The following LIN7A variants were observed in gnomAD, a reference collection of about 807,000 sequenced individuals.
LIN7A encodes the protein lin-7 cell polarity scaffold A, also known as protein lin-7 homolog A.
A neutral mutation model predicts 29.8 loss-of-function variants in LIN7A; 25 were observed. That is an observed-to-expected ratio of 0.84 (90% CI 0.61 to 1.17). The LOEUF is 1.17. LIN7A is among the 50% of genes most tolerant of loss of function. The probability of loss-of-function intolerance (pLI) is 0.00; values close to 1 mark genes in which losing one functional copy is unlikely to be tolerated. For missense variants in LIN7A, 239 were observed against 287.0 expected, an observed-to-expected ratio of 0.83 and a Z score of 1.21; for synonymous variants, 118 against 107.5, an observed-to-expected ratio of 1.10 and a Z score of -0.60.
intron 1 of LIN7A, among the ~76,000 whole-genome samples, chr12:80,914,168 A>G (rs1876913326): frequency 1.3e-5 from 2 of 152,198 alleles, no homozygotes; most frequent in East Asian, 1.9e-4. Context: ...CAGATCATAC[A>G]GATTACTATA....
At position 80,889,285 on chromosome 12, in the gene LIN7A, ACT is replaced by A. The variant is rs748281531; in HGVS notation, c.165_166del (p.Lys55AsnfsTer5). ...AGCTGTACAAAACTCACTCTGAAGCACTTTTTTGAGGGATTGTAGCTTGTGCA... is the reference window on the plus strand; with the variant it reads ...AGCTGTACAAAACTCACTCTGAAGCATTTTTGAGGGATTGTAGCTTGTGCA... On this transcript the variant is annotated frameshift_variant, in exon 2 of 6. Transcript: ENST00000552864. LOFTEE classifies it high-confidence loss of function. 1.2e-6 allele frequency: 2 copies of A among 1,612,482 alleles called. No individual in the cohort carries two copies. The highest frequency in any genetic ancestry group is 1.1e-5 in the South Asian group (1 of 91,018).
intron 1 of LIN7A, among the ~76,000 whole-genome samples, chr12:80,924,066 T>A (rs1877451600): frequency 6.6e-6 from 1 of 152,194 alleles, no homozygotes; most frequent in Non-Finnish European, 1.5e-5. Context: ...TCAAAATATG[T>A]TATTCTAAAT....
chr12:80,834,448 T>C (rs1343953382), intron 4 of LIN7A, among the ~76,000 whole-genome samples: 3 of 152,180 alleles, frequency 2.0e-5, no homozygotes, highest in Non-Finnish European at 4.4e-5. Flanking sequence ...GTCAATAATT[T>C]ACAATTCAGA....
chr12:80,860,126 T>C lies in LIN7A; in HGVS notation c.202-11804A>G, dbSNP rs1216576984. Among the ~76,000 whole-genome samples the C allele has an allele frequency of 2.0e-5, 3 of 152,188 alleles. No homozygotes were observed. The South Asian group carries it at 6.2e-4, about 31-fold the overall frequency. ...GTTTTGTAAGTGTGAGAACATCTCT[T>C]TATGATAAATTCATTGAAGTAGATT... On this transcript the variant is annotated intron_variant, in intron 2 of 5. Coordinates refer to ENST00000552864, the MANE Select transcript of LIN7A (RefSeq NM_004664.4).
intron 5 of LIN7A, among the ~76,000 whole-genome samples, chr12:80,810,344 A>G (rs1396247172): frequency 1.3e-5 from 2 of 152,044 alleles, no homozygotes; most frequent in Non-Finnish European, 2.9e-5. Flanking sequence ...CACGCTGACA[A>G]AAATGACATT....
chr12:80,912,879 ATTT>A lies in LIN7A; in HGVS notation c.83-23513_83-23511del, dbSNP rs5799499. On this transcript the variant is annotated intron_variant, in intron 1 of 5. Coordinates refer to ENST00000552864, the MANE Select transcript of LIN7A (RefSeq NM_004664.4). ...AGCTCACCTCCATACCTGCATAAGC[ATTT>A]TAGAAATTCTAAAACATTAATTTCA... Among the ~76,000 whole-genome samples the A allele has an allele frequency of 8.5e-5, 13 of 152,346 alleles. No individual in the cohort carries two copies. In the East Asian group the frequency reaches 2.3e-3, roughly 27 times the overall value.
At chr12:80,917,168 CA>C (rs1298043175) in intron 1 of LIN7A, among the ~76,000 whole-genome samples, 2 of 151,824 alleles carry the variant, frequency 1.3e-5, no homozygotes, top group Non-Finnish European at 2.9e-5. Context: ...CATTTCTGGG[CA>C]AGGCAACAAA....
chr12:80,911,671 A>G (rs1203240481), intron 1 of LIN7A, among the ~76,000 whole-genome samples: 2 of 152,208 alleles, frequency 1.3e-5, no homozygotes, highest in Non-Finnish European at 2.9e-5. Flanking sequence ...CAAATGCAAT[A>G]AATTTGAAAT....
intron 2 of LIN7A, among the ~76,000 whole-genome samples, chr12:80,852,427 A>G (rs1565901954): frequency 1.3e-5 from 2 of 152,152 alleles, no homozygotes. Flanking sequence ...TCTCTTTTCT[A>G]CATGACTTCA....
rs559773621 is a variant in LIN7A, at chr12:80,901,398, A to G, written c.83-12029T>C. ...TTATCGGTCTAATGATCTCTCAATA[A>G]GTTAAATAATTATTGCTGGCATGTT... On this transcript the variant is annotated intron_variant, in intron 1 of 5. Coordinates refer to ENST00000552864, the MANE Select transcript of LIN7A (RefSeq NM_004664.4). 2.0e-5 allele frequency among the ~76,000 whole-genome samples: 3 copies of G among 152,304 alleles called. No homozygotes were observed. In the South Asian group the frequency reaches 6.2e-4, roughly 32 times the overall value.
At chr12:80,802,778 C>G (rs1172829471) in intron 5 of LIN7A, among the ~76,000 whole-genome samples, 1 of 151,834 alleles carries the variant, frequency 6.6e-6, no homozygotes, top group East Asian at 1.9e-4. Flanking sequence ...GTAGCCGGGA[C>G]TACAGGTGCT....
At chr12:80,862,962 C>G (rs1288825243) in intron 2 of LIN7A, among the ~76,000 whole-genome samples, 2 of 152,210 alleles carry the variant, frequency 1.3e-5, no homozygotes, top group African/African-American at 4.8e-5. Context: ...ATACTCTTCA[C>G]AGAGAGGAGT....
intron 5 of LIN7A, among the ~76,000 whole-genome samples, chr12:80,801,079 TAA>T (rs200653862): frequency 6.9e-6 from 1 of 144,258 alleles, no homozygotes; most frequent in Non-Finnish European, 1.5e-5. Context: ...TATATATATA[TAA>T]ACATACATAT....
chr12:80,799,537 T>C (rs1870615816), intron 5 of LIN7A, among the ~76,000 whole-genome samples: 1 of 152,068 alleles, frequency 6.6e-6, no homozygotes, highest in Non-Finnish European at 1.5e-5. Flanking sequence ...CAATCCAATG[T>C]AATTAAAAGT....
At chr12:80,882,996 C>T (rs556269192) in intron 2 of LIN7A, among the ~76,000 whole-genome samples, 45 of 152,160 alleles carry the variant, frequency 3.0e-4, no homozygotes, top group Non-Finnish European at 5.7e-4. Flanking sequence ...TCTTTCTGCA[C>T]TTTTCCATTA....
intron 2 of LIN7A, among the ~76,000 whole-genome samples, chr12:80,886,544 T>C (rs1316803613): frequency 2.0e-5 from 3 of 152,090 alleles, no homozygotes; most frequent in African/African-American, 7.2e-5. Context: ...TGGCATAAAA[T>C]GTTAGCCAAG....
At chr12:80,852,580 T>C (rs143146954) in intron 2 of LIN7A, among the ~76,000 whole-genome samples, 1 of 152,272 alleles carries the variant, frequency 6.6e-6, no homozygotes, top group African/African-American at 2.4e-5. Flanking sequence ...GCTGCTATTA[T>C]TTCTATTATT....
At chr12:80,851,636 TGA>T (rs1238211228) in intron 2 of LIN7A, among the ~76,000 whole-genome samples, 3 of 152,182 alleles carry the variant, frequency 2.0e-5, no homozygotes, top group Non-Finnish European at 4.4e-5. Context: ...CCAGATACCC[TGA>T]GAGAGTTCTT....
chr12:80,849,592 C>T (rs1369045780), intron 2 of LIN7A, among the ~76,000 whole-genome samples: 1 of 152,078 alleles, frequency 6.6e-6, no homozygotes, highest in African/African-American at 2.4e-5. Flanking sequence ...CTGTCTGCTG[C>T]CCTTACTGCA....
Sources: gnomAD v4.1 joint callset for allele counts (sites outside exome capture counted in the v4.1 genomes callset) on GRCh38, gnomAD v4.1.1 for gene constraint, MANE v1.5 for transcripts, NCBI Gene and HGNC (gene_info 2026-07-23, HGNC 2026-07-21) for gene names.